CFAP299: variants seen among roughly 807,000 people sequenced by gnomAD.
The protein encoded by CFAP299 is cilia- and flagella-associated protein 299.
CFAP299 carries 21 observed loss-of-function variants against 27.0 expected under a neutral mutation model. That is an observed-to-expected ratio of 0.78 (90% CI 0.55 to 1.12). The LOEUF is 1.12. Among genes scored for constraint, CFAP299 ranks in the 50% most tolerant of loss-of-function variants. CFAP299 has a pLI of 0.00. For synonymous variants in CFAP299, 104 were observed against 98.1 expected (o/e 1.06, Z -0.36); for missense variants, 310 against 276.6 (o/e 1.12, Z -0.86).
At chr4:80,534,327 A>AAAAG (rs1181375648) in intron 2 of CFAP299, among the ~76,000 whole-genome samples, 4 of 151,530 alleles carry the variant, frequency 2.6e-5, no homozygotes, top group Admixed American at 1.3e-4. Flanking sequence ...AAAAAAAAAA[A>AAAAG]AAAAACAACC....
chr4:80,335,781 G>C lies in CFAP299; in HGVS notation c.13G>C (p.Glu5Gln). The change falls in exon 1 of 6, where the codon GAG becomes CAG. Residue 5 changes from glutamate to glutamine, a missense_variant. Coordinates refer to ENST00000358105, the MANE Select transcript of CFAP299 (RefSeq NM_152770.3). ...CGAGGATACCGCAATGGATCAGGAA[G>C]AGGGGCTGAAGGCCTTGGACAATAT... The part of the protein sequence containing the change: MDQE[E>Q]GLKALDNIVT... The C allele has an allele frequency of 6.2e-7, 1 of 1,611,850 alleles. No homozygotes were observed. The highest frequency in any genetic ancestry group is 1.7e-4 in the Middle Eastern group (1 of 6,060).
At chr4:80,645,474 G>C (rs115423297) in intron 3 of CFAP299, among the ~76,000 whole-genome samples, 2 of 151,972 alleles carry the variant, frequency 1.3e-5, no homozygotes, top group African/African-American at 4.8e-5. Context: ...TCACAGATTT[G>C]ATACATAAAT....
intron 1 of CFAP299, among the ~76,000 whole-genome samples, chr4:80,348,153 TGATTAAA>T: frequency 6.6e-6 from 1 of 152,058 alleles, no homozygotes; most frequent in Admixed American, 6.6e-5. Context: ...AGCTCAAGAT[TGATTAAA>T]GACTTAAATG....
chr4:80,851,138 C>T (rs557464327), intron 3 of CFAP299, among the ~76,000 whole-genome samples: 17 of 152,032 alleles, frequency 1.1e-4, no homozygotes, highest in Non-Finnish European at 1.6e-4. Context: ...TGGAGATAAA[C>T]GATTTAAAAG....
At chr4:80,421,600 C>G (rs1727287386) in intron 2 of CFAP299, among the ~76,000 whole-genome samples, 1 of 152,082 alleles carries the variant, frequency 6.6e-6, no homozygotes, top group East Asian at 1.9e-4. Flanking sequence ...GGAGGAGGAG[C>G]AAAAACAACA....
In CFAP299 at chr4:80,575,955, A is replaced by G. The variant is rs376619340; in HGVS notation, c.243-7138A>G. Among the ~76,000 whole-genome samples the G allele has an allele frequency of 6.6e-5, 10 of 151,686 alleles. No individual in the cohort carries two copies. In the East Asian group the frequency reaches 1.8e-3, roughly 27 times the overall value. ...GCAAGGACAAAAAACTGAACGCCGC[A>G]TGTTCTCACTCATAGGTGGGAACTG... is the stretch of plus-strand genomic sequence containing the variant. On this transcript the variant is annotated intron_variant, in intron 2 of 5. Coordinates refer to ENST00000358105, the MANE Select transcript of CFAP299 (RefSeq NM_152770.3).
chr4:80,775,734 A>G (rs987187198), intron 3 of CFAP299, among the ~76,000 whole-genome samples: 5 of 152,156 alleles, frequency 3.3e-5, no homozygotes, highest in African/African-American at 1.2e-4. Context: ...AATATTTTCG[A>G]AAAACTGACC....
At chr4:80,898,997 G>T (rs1246224056) in intron 4 of CFAP299, among the ~76,000 whole-genome samples, 1 of 152,186 alleles carries the variant, frequency 6.6e-6, no homozygotes, top group Non-Finnish European at 1.5e-5. Context: ...TTTAGGTAAA[G>T]ATCTCTATCA....
chr4:80,637,046 TAAAAC>T (rs999973467), intron 3 of CFAP299, among the ~76,000 whole-genome samples: 54 of 152,238 alleles, frequency 3.5e-4, no homozygotes, highest in African/African-American at 1.2e-3. Flanking sequence ...AATCAATAAA[TAAAAC>T]AAAGACTATG....
intron 3 of CFAP299, among the ~76,000 whole-genome samples, chr4:80,775,450 A>G (rs1726481085): frequency 6.6e-6 from 1 of 152,042 alleles, no homozygotes; most frequent in African/African-American, 2.4e-5. Context: ...ATTTATGACT[A>G]GGTCTCTTCT....
chr4:80,431,650 G>T (rs1419466107), intron 2 of CFAP299, among the ~76,000 whole-genome samples: 1 of 152,030 alleles, frequency 6.6e-6, no homozygotes, highest in Non-Finnish European at 1.5e-5. Flanking sequence ...ATTGGCAGCC[G>T]CTTGGTTATA....
chr4:80,653,297 C>T (rs1740400237), intron 3 of CFAP299, among the ~76,000 whole-genome samples: 1 of 152,144 alleles, frequency 6.6e-6, no homozygotes, highest in South Asian at 2.1e-4. Context: ...CTCCTCACCT[C>T]TCCATTTTTA....
chr4:80,669,006 T>C (rs1340086237), intron 3 of CFAP299, among the ~76,000 whole-genome samples: 2 of 151,986 alleles, frequency 1.3e-5, no homozygotes, highest in East Asian at 1.9e-4. Flanking sequence ...CAGTGTTTTG[T>C]AGTTCTTCTT....
chr4:80,874,854 T>A (rs1733288987), intron 4 of CFAP299, among the ~76,000 whole-genome samples: 1 of 152,192 alleles, frequency 6.6e-6, no homozygotes, highest in Admixed American at 6.5e-5. Context: ...GATGTATGGT[T>A]AACCTTGAAT....
intron 3 of CFAP299, among the ~76,000 whole-genome samples, chr4:80,630,958 T>G (rs1381323670): frequency 6.6e-6 from 1 of 152,102 alleles, no homozygotes; most frequent in Non-Finnish European, 1.5e-5. Flanking sequence ...GACAGGAAGA[T>G]GCTATTTAGA....
intron 2 of CFAP299, among the ~76,000 whole-genome samples, chr4:80,445,058 A>G (rs1423497066): frequency 1.3e-5 from 2 of 152,136 alleles, no homozygotes; most frequent in African/African-American, 4.8e-5. Flanking sequence ...AAATAGGAAC[A>G]CTTTTATATT....
chr4:80,713,267 A>T (rs1163846241), intron 3 of CFAP299, among the ~76,000 whole-genome samples: 1 of 152,174 alleles, frequency 6.6e-6, no homozygotes, highest in Non-Finnish European at 1.5e-5. Flanking sequence ...GTTGGACTCT[A>T]TTAACCCAAT....
intron 2 of CFAP299, among the ~76,000 whole-genome samples, chr4:80,406,906 T>TA (rs1479736723): frequency 3.9e-5 from 6 of 152,302 alleles, no homozygotes; most frequent in Admixed American, 2.6e-4. Flanking sequence ...AGCAACAACT[T>TA]ACCTAAAATC....
At chr4:80,737,142 A>G (rs1480674444) in intron 3 of CFAP299, among the ~76,000 whole-genome samples, 2 of 127,422 alleles carry the variant, frequency 1.6e-5, no homozygotes, top group Admixed American at 9.5e-5. Context: ...GAAGGGGAAC[A>G]TCACACTCTG....
Sources: gnomAD v4.1 joint callset for allele counts (sites outside exome capture counted in the v4.1 genomes callset) on GRCh38, gnomAD v4.1.1 for gene constraint, MANE v1.5 for transcripts, NCBI Gene and HGNC (gene_info 2026-07-23, HGNC 2026-07-21) for gene names.